Variants in IFT80 observed in about 807,000 individuals in gnomAD.
The protein encoded by IFT80 is intraflagellar transport protein 80 homolog.
IFT80 carries 79 observed loss-of-function variants against 107.9 expected under a neutral mutation model. The ratio of observed to expected loss-of-function variants is 0.73; its 90% CI spans 0.61 to 0.88. IFT80 has a LOEUF of 0.88. Ranked by LOEUF, IFT80 falls within the 40% of genes least tolerant of loss-of-function variation. The pLI, the probability that IFT80 is intolerant of heterozygous loss-of-function variation, is 0.00. For synonymous variants in IFT80, 299 were observed against 300.9 expected (o/e 0.99, Z 0.07); for missense variants, 797 against 914.2 (o/e 0.87, Z 1.65).
intron 1 of IFT80, among the ~76,000 whole-genome samples, chr3:160,394,642 G>C (rs987270967): frequency 6.6e-6 from 1 of 152,028 alleles, no homozygotes. Flanking sequence ...CCAGCTACTC[G>C]GGAGGCTGAG....
intron 9 of IFT80, among the ~76,000 whole-genome samples, chr3:160,317,395 C>T (rs1013481985): frequency 2.6e-5 from 4 of 152,164 alleles, no homozygotes; most frequent in Admixed American, 6.5e-5. Flanking sequence ...AGCATTTCCA[C>T]GGTTCATCTT....
chr3:160,300,914 G>A lies in IFT80; in HGVS notation c.1284C>T (p.Thr428=), dbSNP rs749233164. 1 of 1,608,696 alleles carries A rather than the reference G, an allele frequency of 6.2e-7. No homozygotes were observed. The highest frequency in any genetic ancestry group is 8.5e-7 in the Non-Finnish European group (1 of 1,177,314). ...CATCAGCTTTGTCTCTTATTGCTAT[G>A]GTATCATTACTCAAAGACACAGTCT... ...NAQTVSLSND[T]IAIRDKADEK... The change falls in exon 12 of 20, where the codon ACC becomes ACT. Residue 428 remains threonine (T), a synonymous_variant. Coordinates refer to ENST00000326448, the MANE Select transcript of IFT80 (RefSeq NM_020800.3).
chr3:160,357,105 T>C (rs1163947416), intron 7 of IFT80, among the ~76,000 whole-genome samples: 2 of 152,172 alleles, frequency 1.3e-5, no homozygotes, highest in African/African-American at 4.8e-5. Context: ...AATGAGATAG[T>C]CTTTCTTTTT....
At chr3:160,345,259 A>T (rs1335671452) in intron 8 of IFT80, among the ~76,000 whole-genome samples, 2 of 152,220 alleles carry the variant, frequency 1.3e-5, no homozygotes, top group Admixed American at 1.3e-4. Flanking sequence ...AGCCATAAAA[A>T]TTAATGAGAT....
chr3:160,359,131 G>T (rs1362031610), intron 6 of IFT80, among the ~76,000 whole-genome samples: 1 of 152,174 alleles, frequency 6.6e-6, no homozygotes, highest in African/African-American at 2.4e-5. Flanking sequence ...AAGAATTGCA[G>T]CTGCTTTAGT....
rs547826069 is a variant in IFT80, at chr3:160,305,929, A to G, written c.1076+1734T>C. Among the ~76,000 whole-genome samples the G allele has an allele frequency of 2.6e-5, 4 of 152,266 alleles. No homozygotes were observed. The South Asian group carries it at 8.3e-4, about 32-fold the overall frequency. On this transcript the variant is annotated intron_variant, in intron 10 of 19. Coordinates refer to ENST00000326448, the MANE Select transcript of IFT80 (RefSeq NM_020800.3). ...TAGCTTCAGCTTTCAAATGAGAATA[A>G]TAATAAACATGAAAGTATAACAGTT...
chr3:160,357,662 C>G, intron 6 of IFT80, 84 bp from the exon 7 acceptor site: 1 of 791,042 alleles, frequency 1.3e-6, no homozygotes, highest in Non-Finnish European at 2.2e-6. Context: ...TTGCCTCTTT[C>G]TAATGACTCC....
chr3:160,383,694 T>C, intron 2 of IFT80: 2 of 985,390 alleles, frequency 2.0e-6, no homozygotes, highest in Non-Finnish European at 2.4e-6. Context: ...AGAATTAGTC[T>C]AAATGTCTAA....
chr3:160,258,475 AATCAGAACGTGTTTCAAAAGAT>A lies in IFT80; in HGVS notation c.*28_*49del. On this transcript the variant is annotated 3_prime_UTR_variant, in exon 20 of 20. Transcript: ENST00000326448. The stretch of plus-strand genomic sequence containing the variant: ...AACCAAAACATGCTTACCCTTGGTT[AATCAGAACGTGTTTCAAAAGAT>A]AAAATTTCTTAAAGATACGCATGGC... 1 of 1,610,934 alleles carries A rather than the reference AATCAGAACGTGTTTCAAAAGAT, an allele frequency of 6.2e-7. No homozygotes were observed.
At chr3:160,285,242 C>T (rs1715000395) in intron 13 of IFT80, among the ~76,000 whole-genome samples, 1 of 152,034 alleles carries the variant, frequency 6.6e-6, no homozygotes, top group Admixed American at 6.6e-5. Flanking sequence ...TAACAGTTCA[C>T]TAGAAGTATT....
chr3:160,386,318 A>G (rs2108411857), intron 1 of IFT80, among the ~76,000 whole-genome samples: 2 of 152,332 alleles, frequency 1.3e-5, no homozygotes, highest in Middle Eastern at 6.8e-3. Flanking sequence ...TAATGTTAAA[A>G]CATAGCCAAT....
chr3:160,331,903 C>T (rs558045944), intron 8 of IFT80, among the ~76,000 whole-genome samples: 8 of 152,200 alleles, frequency 5.3e-5, no homozygotes, highest in Non-Finnish European at 1.2e-4. Context: ...GTGATCCTCC[C>T]GCTTTGGCCT....
chr3:160,299,353 C>T, intron 12 of IFT80: 1 of 454,534 alleles, frequency 2.2e-6, no homozygotes, highest in Non-Finnish European at 3.1e-6. Context: ...ATCTGAAGTA[C>T]TGAAAATTAA....
chr3:160,299,785 A>G (rs559391391), intron 12 of IFT80, among the ~76,000 whole-genome samples: 1 of 152,288 alleles, frequency 6.6e-6, no homozygotes, highest in East Asian at 1.9e-4. Flanking sequence ...GCTGTCTAAG[A>G]AAGATTTAAA....
chr3:160,270,557 C>T (rs1559911444), intron 18 of IFT80, among the ~76,000 whole-genome samples: 2 of 151,964 alleles, frequency 1.3e-5, no homozygotes, highest in Admixed American at 1.3e-4. Context: ...CACAAAATTC[C>T]CTCATTCCTC....
At chr3:160,269,620 T>C (rs1452234389) in intron 18 of IFT80, among the ~76,000 whole-genome samples, 1 of 152,236 alleles carries the variant, frequency 6.6e-6, no homozygotes, top group African/African-American at 2.4e-5. Context: ...TGATAATTTG[T>C]AGGAGAATAA....
intron 18 of IFT80, among the ~76,000 whole-genome samples, chr3:160,270,349 T>C (rs1713701841): frequency 6.6e-6 from 1 of 152,244 alleles, no homozygotes; most frequent in Admixed American, 6.5e-5. Flanking sequence ...TAAAAAGTAT[T>C]TTAGACATGG....
chr3:160,377,750 G>A, intron 3 of IFT80: 5 of 372,546 alleles, frequency 1.3e-5, no homozygotes, highest in Non-Finnish European at 2.4e-5. Context: ...ATGCTTACGT[G>A]GTTCAAAATA....
At chr3:160,334,863 T>A (rs1309521667) in intron 8 of IFT80, among the ~76,000 whole-genome samples, 1 of 152,026 alleles carries the variant, frequency 6.6e-6, no homozygotes, top group Non-Finnish European at 1.5e-5. Flanking sequence ...ATGTCCACAT[T>A]CATATTTTAG....
Sources: allele counts gnomAD v4.1 joint callset (sites outside exome capture counted in the v4.1 genomes callset), GRCh38; gene constraint gnomAD v4.1.1; transcripts MANE v1.5; gene names NCBI Gene and HGNC (gene_info 2026-07-23, HGNC 2026-07-21).